Variants in STAM2 observed in about 807,000 individuals in gnomAD.
The protein encoded by STAM2 is signal transducing adapter molecule 2.
A neutral mutation model predicts 65.6 loss-of-function variants in STAM2; 51 were observed. That is an observed-to-expected ratio of 0.78 (90% confidence interval 0.62 to 0.98). The LOEUF is 0.98. Ranked by LOEUF, STAM2 falls within the 50% of genes least tolerant of loss-of-function variation. The pLI, the probability that STAM2 is intolerant of heterozygous loss-of-function variation, is 0.00. For missense variants in STAM2, 584 were observed against 617.8 expected, an observed-to-expected ratio of 0.95 and a Z score of 0.58; for synonymous variants, 198 against 208.4, an observed-to-expected ratio of 0.95 and a Z score of 0.43.
At chr2:152,122,076 A>ATGTGTGTGTG (rs997181475) in intron 13 of STAM2, among the ~76,000 whole-genome samples, 7 of 103,700 alleles carry the variant, frequency 6.8e-5, no homozygotes, top group South Asian at 3.2e-4. Flanking sequence ...ATATATATAT[A>ATGTGTGTGTG]TGTGTGTGTG....
chr2:152,164,635 C>G (rs1689743311), intron 1 of STAM2, among the ~76,000 whole-genome samples: 2 of 152,162 alleles, frequency 1.3e-5, no homozygotes. Context: ...AGCCACTGCG[C>G]CCAGCTGATT....
At chr2:152,157,588 C>T (rs961461506) in intron 1 of STAM2, among the ~76,000 whole-genome samples, 9 of 152,184 alleles carry the variant, frequency 5.9e-5, no homozygotes, top group Non-Finnish European at 1.2e-4. Context: ...CAGACAGCAC[C>T]TCTGCTGGCA....
chr2:152,163,606 C>T (rs777730137), intron 1 of STAM2, among the ~76,000 whole-genome samples: 21 of 152,182 alleles, frequency 1.4e-4, no homozygotes, highest in East Asian at 5.8e-4. Context: ...TGACTGCCTG[C>T]GGGGTAGGGC....
chr2:152,150,272 A>G (rs1689417814), intron 1 of STAM2, 43 bp from the exon 2 acceptor site: 1 of 1,254,882 alleles, frequency 8.0e-7, no homozygotes, highest in Non-Finnish European at 1.2e-6. Context: ...GACACATCTC[A>G]TATAACACTA....
At chr2:152,162,707 T>C (rs1689706245) in intron 1 of STAM2, among the ~76,000 whole-genome samples, 1 of 152,226 alleles carries the variant, frequency 6.6e-6, no homozygotes, top group African/African-American at 2.4e-5. Context: ...AGTGGCGCGA[T>C]CTTGGCTCAC....
intron 11 of STAM2, 43 bp downstream of exon 11, chr2:152,132,071 C>A (rs1411547346): frequency 7.7e-6 from 11 of 1,420,522 alleles, no homozygotes; most frequent in South Asian, 1.2e-5. Flanking sequence ...CACAAGTGAA[C>A]CCCCCAAAAC....
At chr2:152,159,872 G>A (rs1292845102) in intron 1 of STAM2, among the ~76,000 whole-genome samples, 10 of 152,220 alleles carry the variant, frequency 6.6e-5, no homozygotes, top group African/African-American at 1.4e-4. Flanking sequence ...GCGATTGCAG[G>A]CGCGCGCCGC....
In STAM2 at chr2:152,132,106, A is replaced by T; in HGVS notation, c.1025+8T>A. ...CTATACTTTTTATTCCTGCACGAAAAATCTCACCTATCAATTTCTTCAAGT... is the reference window on the plus strand; with the variant it reads ...CTATACTTTTTATTCCTGCACGAAATATCTCACCTATCAATTTCTTCAAGT... On this transcript the variant is annotated splice_region_variant and intron_variant, in intron 11 of 13. Transcript: ENST00000263904. 1 of 1,608,814 alleles carries T rather than the reference A, an allele frequency of 6.2e-7. No individual in the cohort carries two copies. The highest frequency in any genetic ancestry group is 8.5e-7 in the Non-Finnish European group (1 of 1,176,042).
intron 1 of STAM2, among the ~76,000 whole-genome samples, chr2:152,158,108 T>C (rs1158198791): frequency 6.6e-6 from 1 of 152,164 alleles, no homozygotes; most frequent in African/African-American, 2.4e-5. Context: ...CAAACATTGG[T>C]GAATGCTCAG....
intron 1 of STAM2, among the ~76,000 whole-genome samples, chr2:152,159,990 C>T (rs527920731): frequency 3.3e-5 from 5 of 152,354 alleles, no homozygotes; most frequent in African/African-American, 7.2e-5. Context: ...CTCGGCCTCC[C>T]GAGGTGCCAG....
At chr2:152,128,454 G>A (rs1268473593) in intron 11 of STAM2, among the ~76,000 whole-genome samples, 1 of 150,862 alleles carries the variant, frequency 6.6e-6, no homozygotes, top group African/African-American at 2.4e-5. Context: ...CACCCAGAAA[G>A]CTACAGAAAT....
chr2:152,128,321 G>A (rs1688999684), intron 11 of STAM2, among the ~76,000 whole-genome samples: 1 of 152,034 alleles, frequency 6.6e-6, no homozygotes. Context: ...GCTGAGGGAA[G>A]AGAATGGTGT....
In STAM2 at chr2:152,131,053, G is replaced by A. The variant is rs115516979; in HGVS notation, c.1025+1061C>T. ...AACTATGTAGGATAAAATTAAAAGA[G>A]CAATAGAAACAAATACAAGGACAAG... On this transcript the variant is annotated intron_variant, in intron 11 of 13. Coordinates refer to ENST00000263904, the MANE Select transcript of STAM2 (RefSeq NM_005843.6). Among the ~76,000 whole-genome samples the A allele has an allele frequency of 9.7e-3, 1,468 of 151,552 alleles. 10 individuals are homozygous for A. The highest frequency in any genetic ancestry group is 0.019 in the South Asian group (93 of 4,792).
chr2:152,165,256 T>C (rs1023351254), intron 1 of STAM2, among the ~76,000 whole-genome samples: 3 of 151,336 alleles, frequency 2.0e-5, no homozygotes, highest in Non-Finnish European at 4.4e-5. Flanking sequence ...AAACCTCGTC[T>C]CTATTAAAAA....
chr2:152,174,429 C>T (rs1272671872), intron 1 of STAM2, among the ~76,000 whole-genome samples: 2 of 151,640 alleles, frequency 1.3e-5, no homozygotes, highest in African/African-American at 4.8e-5. Flanking sequence ...TATTCATCCA[C>T]CAAAAAAAAA....
At chr2:152,170,975 G>A (rs1016067419) in intron 1 of STAM2, among the ~76,000 whole-genome samples, 26 of 152,160 alleles carry the variant, frequency 1.7e-4, no homozygotes, top group Admixed American at 1.1e-3. Flanking sequence ...CAGCCTGGGC[G>A]ACAGAGCAAG....
Position 152,123,773 on chromosome 2 carries a change from A to ATGAAGTT in STAM2, c.1335_1341dup (p.Tyr448AsnfsTer22). On this transcript the variant is annotated frameshift_variant, in exon 13 of 14. Coordinates refer to ENST00000263904, the MANE Select transcript of STAM2 (RefSeq NM_005843.6). LOFTEE classifies it high-confidence loss of function. ...ACAGCTCCCAAAACTTACCTTAAAT[A>ATGAAGTT]TGAAGTTTGAGCAGGCTGTGCTGTC... is the stretch of plus-strand genomic sequence containing the variant. The ATGAAGTT allele has an allele frequency of 6.2e-7, 1 of 1,613,406 alleles. No individual in the cohort carries two copies. Among genetic ancestry groups the ATGAAGTT allele is most frequent in the Non-Finnish European group, 8.5e-7 (1 of 1,179,840 alleles).
intron 8 of STAM2, among the ~76,000 whole-genome samples, chr2:152,133,975 AAAT>A: frequency 6.6e-6 from 1 of 152,334 alleles, no homozygotes; most frequent in South Asian, 2.1e-4. Flanking sequence ...TATGAACAAA[AAAT>A]AAAACTTATT....
chr2:152,122,058 ATATAT>A (rs1420187557), intron 13 of STAM2, among the ~76,000 whole-genome samples: 65 of 112,234 alleles, frequency 5.8e-4, no homozygotes, highest in East Asian at 1.0e-3. Flanking sequence ...CAAAAAAAAA[ATATAT>A]ATATATATAT....
Sources: allele counts gnomAD v4.1 joint callset (sites outside exome capture counted in the v4.1 genomes callset), GRCh38; gene constraint gnomAD v4.1.1; transcripts MANE v1.5; gene names NCBI Gene and HGNC (gene_info 2026-07-23, HGNC 2026-07-21).